Variants in GABRR2 observed in about 807,000 individuals in gnomAD.
The protein encoded by GABRR2 is gamma-aminobutyric acid receptor subunit rho-2.
In GABRR2, 36 loss-of-function variants were observed where a neutral mutation model predicts 47.0. That is an observed-to-expected ratio of 0.77 (90% CI 0.59 to 1.01). GABRR2 has a LOEUF of 1.01. Ranked by LOEUF, GABRR2 falls within the 50% of genes least tolerant of loss-of-function variation. The pLI, the probability that GABRR2 is intolerant of heterozygous loss-of-function variation, is 0.00. For missense variants in GABRR2, 587 were observed against 594.6 expected, an observed-to-expected ratio of 0.99 and a Z score of 0.13; for synonymous variants, 204 against 227.5, an observed-to-expected ratio of 0.90 and a Z score of 0.93.
chr6:89,308,588 C>T (rs1767614736), intron 1 of GABRR2, among the ~76,000 whole-genome samples: 1 of 152,182 alleles, frequency 6.6e-6, no homozygotes, highest in Non-Finnish European at 1.5e-5. Flanking sequence ...TAAGCCAGGG[C>T]TTTCCGATTT....
At chr6:89,287,012 G>A (rs1052780888) in intron 2 of GABRR2, among the ~76,000 whole-genome samples, 1 of 152,174 alleles carries the variant, frequency 6.6e-6, no homozygotes, top group Non-Finnish European at 1.5e-5. Flanking sequence ...TGGGGAAGAC[G>A]AGAGGCAGAG....
chr6:89,289,262 A>G (rs3798255), intron 2 of GABRR2, among the ~76,000 whole-genome samples: 33,701 of 152,124 alleles, frequency 0.22, 3,815 homozygotes, highest in Admixed American at 0.27. Context: ...GCAGTGGGCC[A>G]GGCTGCAGAG....
chr6:89,255,849 T>A lies in GABRR2; in HGVS notation c.*1821A>T, dbSNP rs1255400046. 6.6e-6 allele frequency among the ~76,000 whole-genome samples: 1 copy of A among 152,046 alleles called. No homozygotes were observed. Among genetic ancestry groups the A allele is most frequent in the Non-Finnish European group, 1.5e-5 (1 of 68,014 alleles). On this transcript the variant is annotated 3_prime_UTR_variant, in exon 9 of 9. Coordinates refer to ENST00000402938, the MANE Select transcript of GABRR2 (RefSeq NM_002043.5). Reference sequence around the variant, plus strand: ...ACTGTGCTTACTAAGCCCACTTGAGTGTGGATGGTGTAACCAAGGAACTGA... The same window carrying A: ...ACTGTGCTTACTAAGCCCACTTGAGAGTGGATGGTGTAACCAAGGAACTGA...
At chr6:89,272,740 C>G (rs1218066628) in intron 2 of GABRR2, among the ~76,000 whole-genome samples, 7 of 152,172 alleles carry the variant, frequency 4.6e-5, no homozygotes, top group Admixed American at 4.6e-4. Context: ...CCACTGTGGT[C>G]TGAGCGGGGA....
chr6:89,291,344 C>T (rs976938189), intron 2 of GABRR2, among the ~76,000 whole-genome samples: 6 of 152,172 alleles, frequency 3.9e-5, no homozygotes, highest in East Asian at 1.9e-4. Context: ...AAGCCCAAGA[C>T]GCATCCTGTT....
In GABRR2 at chr6:89,255,803, C is replaced by T. The variant is rs540985148; in HGVS notation, c.*1867G>A. ...CTTCCTGGTCTTTAGGCTGCCCAGC[C>T]CAGTGCAGTAGCTACTAGCAACTGT... On this transcript the variant is annotated 3_prime_UTR_variant, in exon 9 of 9. Transcript: ENST00000402938. Among the ~76,000 whole-genome samples the T allele has an allele frequency of 1.5e-3, 230 of 152,206 alleles. 2 individuals carry two copies. Among genetic ancestry groups the T allele is most frequent in the African/African-American group, 4.8e-3 (200 of 41,528 alleles).
intron 2 of GABRR2, among the ~76,000 whole-genome samples, chr6:89,288,822 T>C (rs934694203): frequency 2.6e-5 from 4 of 152,134 alleles, no homozygotes; most frequent in African/African-American, 4.8e-5. Context: ...TAAAAAATTA[T>C]TTTTTTATAA....
At chr6:89,308,388 A>G (rs1006379697) in intron 1 of GABRR2, among the ~76,000 whole-genome samples, 1 of 152,174 alleles carries the variant, frequency 6.6e-6, no homozygotes, top group Admixed American at 6.5e-5. Flanking sequence ...AGCCACACAT[A>G]TGTGTTCGAT....
chr6:89,291,368 G>A (rs953529465), intron 2 of GABRR2, among the ~76,000 whole-genome samples: 7 of 152,114 alleles, frequency 4.6e-5, no homozygotes, highest in Non-Finnish European at 8.8e-5. Flanking sequence ...CCTTAGCTTA[G>A]GCTGTGCTGC....
At chr6:89,310,992 C>T (rs374623395) in intron 1 of GABRR2, among the ~76,000 whole-genome samples, 1 of 152,296 alleles carries the variant, frequency 6.6e-6, no homozygotes, top group East Asian at 1.9e-4. Flanking sequence ...GGCTGAAATA[C>T]GGGACTGTCC....
intron 2 of GABRR2, among the ~76,000 whole-genome samples, chr6:89,286,019 C>A (rs1774329985): frequency 2.0e-5 from 2 of 98,108 alleles, no homozygotes; most frequent in African/African-American, 3.7e-5. Context: ...CCCGCCCGCA[C>A]CCCCAACAAC....
chr6:89,259,300 T>C (rs73752715), intron 8 of GABRR2, among the ~76,000 whole-genome samples: 19,674 of 152,168 alleles, frequency 0.13, 1,537 homozygotes, highest in Middle Eastern at 0.22. Flanking sequence ...TTGTTATGGA[T>C]CTTGAAACTC....
At chr6:89,265,358 G>T (rs1046677529) in intron 7 of GABRR2, among the ~76,000 whole-genome samples, 1 of 152,102 alleles carries the variant, frequency 6.6e-6, no homozygotes, top group Non-Finnish European at 1.5e-5. Flanking sequence ...ATTGCCAGTT[G>T]TCGAAGTCTG....
Position 89,315,223 on chromosome 6 carries a change from C to A in GABRR2, c.-58G>T. On this transcript the variant is annotated 5_prime_UTR_variant, in exon 1 of 9. Coordinates refer to ENST00000402938, the MANE Select transcript of GABRR2 (RefSeq NM_002043.5). ...TCCAGTAGCCTGTGGCAGAGCAAATCCCCCCTGGCTTGACCATTGATCCAT... is the reference window on the plus strand; with the variant it reads ...TCCAGTAGCCTGTGGCAGAGCAAATACCCCCTGGCTTGACCATTGATCCAT... The A allele has an allele frequency of 6.2e-7, 1 of 1,609,266 alleles. No individual in the cohort carries two copies. The highest frequency in any genetic ancestry group is 1.1e-5 in the South Asian group (1 of 90,596).
intron 2 of GABRR2, among the ~76,000 whole-genome samples, chr6:89,283,943 C>A (rs1774293043): frequency 6.6e-6 from 1 of 152,178 alleles, no homozygotes; most frequent in South Asian, 2.1e-4. Flanking sequence ...TTCTGAGTAG[C>A]ACCATAATTA....
intron 1 of GABRR2, chr6:89,302,765 G>A: frequency 6.9e-7 from 1 of 1,444,750 alleles, no homozygotes; most frequent in Non-Finnish European, 9.5e-7. Flanking sequence ...TGTCCATCCA[G>A]AGCAAGAACA....
chr6:89,299,095 T>G (rs1225480482), intron 2 of GABRR2, among the ~76,000 whole-genome samples: 1 of 152,216 alleles, frequency 6.6e-6, no homozygotes, highest in African/African-American at 2.4e-5. Context: ...TAAGACACTG[T>G]CCACCTTCTC....
At chr6:89,290,640 G>T (rs1774422910) in intron 2 of GABRR2, among the ~76,000 whole-genome samples, 1 of 152,224 alleles carries the variant, frequency 6.6e-6, no homozygotes, top group Admixed American at 6.5e-5. Flanking sequence ...TCTTGCCTGG[G>T]TCTGAGGTGG....
At chr6:89,281,274 A>C (rs1774251929) in intron 2 of GABRR2, among the ~76,000 whole-genome samples, 1 of 152,246 alleles carries the variant, frequency 6.6e-6, no homozygotes, top group South Asian at 2.1e-4. Context: ...CTGTTTCAGG[A>C]CACATCACAG....
Sources: gnomAD v4.1 joint callset for allele counts (sites outside exome capture counted in the v4.1 genomes callset) on GRCh38, gnomAD v4.1.1 for gene constraint, MANE v1.5 for transcripts, NCBI Gene and HGNC (gene_info 2026-07-23, HGNC 2026-07-21) for gene names.